Variants in STAC observed in about 807,000 individuals in gnomAD.
The protein encoded by STAC is SH3 and cysteine rich domain.
STAC carries 43 observed loss-of-function variants against 48.8 expected under a neutral mutation model. That is an observed-to-expected ratio of 0.88 (90% CI 0.69 to 1.14). STAC has a LOEUF of 1.14. STAC is among the 50% of genes most tolerant of loss of function. The pLI, the probability that STAC is intolerant of heterozygous loss-of-function variation, is 0.00. For synonymous variants in STAC, 193 were observed against 179.5 expected (o/e 1.07, Z -0.60); for missense variants, 497 against 504.0 (o/e 0.99, Z 0.13).
chr3:36,381,716 C>T (rs1215158768), intron 1 of STAC, among the ~76,000 whole-genome samples: 1 of 152,176 alleles, frequency 6.6e-6, no homozygotes, highest in African/African-American at 2.4e-5. Flanking sequence ...TCTTCACATG[C>T]ATCCCTGGAA....
intron 10 of STAC, among the ~76,000 whole-genome samples, chr3:36,534,733 T>A (rs1699157183): frequency 2.0e-5 from 3 of 152,054 alleles, no homozygotes; most frequent in African/African-American, 7.2e-5. Flanking sequence ...TTCATCTTCT[T>A]TTTGTGAGGC....
intron 1 of STAC, among the ~76,000 whole-genome samples, chr3:36,434,997 T>C (rs1395820587): frequency 1.3e-5 from 2 of 152,212 alleles, no homozygotes; most frequent in Non-Finnish European, 1.5e-5. Flanking sequence ...TCCATTTGGC[T>C]TTAAGAGCTT....
At position 36,545,278 on chromosome 3, in the gene STAC, A is replaced by G. The variant is rs187073877; in HGVS notation, c.1111-913A>G. On this transcript the variant is annotated intron_variant, in intron 10 of 10. Transcript: ENST00000273183. ...AGCTTCAAAGTGAGACAATTCTGTGATGCAATTCATGCTCCAGAGCTCCCA... is the reference window on the plus strand; with the variant it reads ...AGCTTCAAAGTGAGACAATTCTGTGGTGCAATTCATGCTCCAGAGCTCCCA... Among the ~76,000 whole-genome samples the G allele has an allele frequency of 1.7e-4, 26 of 152,328 alleles. No homozygotes were observed. In the East Asian group the frequency reaches 4.6e-3, roughly 27 times the overall value.
At chr3:36,425,113 A>T (rs1159507205) in intron 1 of STAC, among the ~76,000 whole-genome samples, 3 of 152,170 alleles carry the variant, frequency 2.0e-5, no homozygotes, top group South Asian at 2.1e-4. Flanking sequence ...ATGATTTTTT[A>T]AAAAGTCTTA....
chr3:36,393,767 C>A (rs769977244), intron 1 of STAC, among the ~76,000 whole-genome samples: 1 of 150,612 alleles, frequency 6.6e-6, no homozygotes, highest in Non-Finnish European at 1.5e-5. Flanking sequence ...CATACTGGCA[C>A]CCTGATCTCA....
At position 36,453,333 on chromosome 3, in the gene STAC, C is replaced by A. The variant is rs1001478769; in HGVS notation, c.388+9693C>A. Among the ~76,000 whole-genome samples the A allele has an allele frequency of 2.6e-5, 4 of 152,172 alleles. No homozygotes were observed. In the East Asian group the frequency reaches 7.7e-4, roughly 29 times the overall value. On this transcript the variant is annotated intron_variant, in intron 2 of 10. Transcript: ENST00000273183. Reference sequence around the variant, plus strand: ...CGGAGCCAGCTCCCTCAGCTTGCGGCGAGGTGTGGAGGGAGAGGCGTGGGC... The same window carrying A: ...CGGAGCCAGCTCCCTCAGCTTGCGGAGAGGTGTGGAGGGAGAGGCGTGGGC...
At chr3:36,544,259 T>C (rs183700014) in intron 10 of STAC, among the ~76,000 whole-genome samples, 3 of 152,192 alleles carry the variant, frequency 2.0e-5, no homozygotes, top group Admixed American at 2.0e-4. Flanking sequence ...AACCTCTGCC[T>C]CCAAGGTTCA....
chr3:36,526,249 A>AC (rs1262022001), intron 8 of STAC, among the ~76,000 whole-genome samples: 14 of 151,172 alleles, frequency 9.3e-5, no homozygotes, highest in South Asian at 6.3e-4. Flanking sequence ...CTAATTATTC[A>AC]CCCCCCCTCC....
intron 8 of STAC, among the ~76,000 whole-genome samples, chr3:36,519,148 A>G (rs1381058471): frequency 6.6e-6 from 1 of 152,224 alleles, no homozygotes; most frequent in Non-Finnish European, 1.5e-5. Context: ...CCAGATAATT[A>G]CTTTAAGAGG....
At chr3:36,417,745 T>C (rs1055407229) in intron 1 of STAC, among the ~76,000 whole-genome samples, 5 of 152,210 alleles carry the variant, frequency 3.3e-5, no homozygotes, top group Non-Finnish European at 5.9e-5. Context: ...ATTGGATCTA[T>C]GCTATGGGAC....
At chr3:36,455,891 C>T (rs1471293598) in intron 2 of STAC, among the ~76,000 whole-genome samples, 6 of 152,114 alleles carry the variant, frequency 3.9e-5, no homozygotes, top group African/African-American at 1.4e-4. Flanking sequence ...TCTGATTGTT[C>T]AACCACAGAA....
At chr3:36,411,357 C>T (rs1207032885) in intron 1 of STAC, among the ~76,000 whole-genome samples, 1 of 152,140 alleles carries the variant, frequency 6.6e-6, no homozygotes, top group East Asian at 1.9e-4. Flanking sequence ...AATCTAGAGT[C>T]CTTATCAAGA....
At chr3:36,464,946 T>C (rs1286733136) in intron 2 of STAC, among the ~76,000 whole-genome samples, 1 of 152,118 alleles carries the variant, frequency 6.6e-6, no homozygotes. Flanking sequence ...CACGTGTCTT[T>C]TTCGTATCAT....
At chr3:36,388,709 A>G (rs1241255816) in intron 1 of STAC, among the ~76,000 whole-genome samples, 1 of 151,946 alleles carries the variant, frequency 6.6e-6, no homozygotes, top group Admixed American at 6.5e-5. Context: ...TATTTCTAAA[A>G]CCATTTGTTG....
chr3:36,526,323 G>A lies in STAC; in HGVS notation c.921-2373G>A, dbSNP rs185198851. ...CCCAAAACAGAGGTGGATGGAGCCT[G>A]TTACCCTATCCCTTGAGTCTGAACT... On this transcript the variant is annotated intron_variant, in intron 8 of 10. Coordinates refer to ENST00000273183, the MANE Select transcript of STAC (RefSeq NM_003149.3). Among the ~76,000 whole-genome samples the A allele has an allele frequency of 7.2e-5, 11 of 152,262 alleles. No individual in the cohort carries two copies. The East Asian group carries it at 2.1e-3, about 29-fold the overall frequency.
At chr3:36,431,163 T>C (rs1297577836) in intron 1 of STAC, among the ~76,000 whole-genome samples, 5 of 152,146 alleles carry the variant, frequency 3.3e-5, no homozygotes, top group Non-Finnish European at 7.4e-5. Context: ...CTCTATACTG[T>C]AAAATCCTCA....
At chr3:36,470,199 G>A (rs544263252) in intron 2 of STAC, among the ~76,000 whole-genome samples, 50 of 152,288 alleles carry the variant, frequency 3.3e-4, no homozygotes, top group African/African-American at 1.2e-3. Flanking sequence ...AGTAGACTAT[G>A]TCAGAGGGGA....
intron 1 of STAC, among the ~76,000 whole-genome samples, chr3:36,394,645 C>T (rs1181510436): frequency 6.6e-6 from 1 of 152,002 alleles, no homozygotes; most frequent in African/African-American, 2.4e-5. Flanking sequence ...ACCTGTAATC[C>T]CAGCACTTTG....
intron 1 of STAC, among the ~76,000 whole-genome samples, chr3:36,386,525 G>C (rs1478713465): frequency 6.6e-6 from 1 of 151,312 alleles, no homozygotes; most frequent in Non-Finnish European, 1.5e-5. Flanking sequence ...TGAAATCTTT[G>C]CCTATTCCAA....
Sources: allele counts gnomAD v4.1 joint callset (sites outside exome capture counted in the v4.1 genomes callset), GRCh38; gene constraint gnomAD v4.1.1; transcripts MANE v1.5; gene names NCBI Gene and HGNC (gene_info 2026-07-23, HGNC 2026-07-21).